The following PIBF1 variants were observed in gnomAD, a reference collection of about 807,000 sequenced individuals.
The protein encoded by PIBF1 is progesterone immunomodulatory binding factor 1, also known as progesterone-induced-blocking factor 1.
Under a neutral mutation model 112.5 loss-of-function variants are expected in PIBF1, and 90 were observed. That is an observed-to-expected ratio of 0.80 (90% confidence interval 0.67 to 0.95). The LOEUF is 0.95. Among genes scored for constraint, PIBF1 ranks in the 40% least tolerant of loss-of-function variants. PIBF1 has a pLI of 0.00. For missense variants in PIBF1, 915 were observed against 852.3 expected, an observed-to-expected ratio of 1.07 and a Z score of -0.92; for synonymous variants, 301 against 288.6, an observed-to-expected ratio of 1.04 and a Z score of -0.44.
intron 14 of PIBF1, among the ~76,000 whole-genome samples, chr13:72,936,452 G>T (rs982713430): frequency 6.6e-6 from 1 of 152,098 alleles, no homozygotes; most frequent in Admixed American, 6.6e-5. Context: ...GTCATAAGGG[G>T]TTTTGTCTAT....
chr13:73,000,997 G>T (rs1180002143), intron 17 of PIBF1, among the ~76,000 whole-genome samples: 1 of 151,794 alleles, frequency 6.6e-6, no homozygotes, highest in Non-Finnish European at 1.5e-5. Context: ...TTCAAAAGAG[G>T]TACAAGCTCA....
At chr13:72,920,021 CT>C (rs2041234950) in intron 13 of PIBF1, among the ~76,000 whole-genome samples, 1 of 152,128 alleles carries the variant, frequency 6.6e-6, no homozygotes, top group Non-Finnish European at 1.5e-5. Context: ...TAGAACTTTG[CT>C]TTTCTTAGCC....
At chr13:72,876,687 A>AT (rs1335841186) in intron 10 of PIBF1, among the ~76,000 whole-genome samples, 1 of 152,178 alleles carries the variant, frequency 6.6e-6, no homozygotes, top group Non-Finnish European at 1.5e-5. Flanking sequence ...GGGTGTTAAT[A>AT]TAAATGTTAC....
At chr13:72,809,594 T>G (rs1189228879) in intron 5 of PIBF1, among the ~76,000 whole-genome samples, 1 of 148,054 alleles carries the variant, frequency 6.8e-6, no homozygotes, top group Non-Finnish European at 1.5e-5. Flanking sequence ...TTTTGGTTTT[T>G]TTTTTTTTTT....
intron 8 of PIBF1, among the ~76,000 whole-genome samples, 170 bp from the exon 9 acceptor site, chr13:72,835,073 G>C (rs1411859496): frequency 6.6e-6 from 1 of 151,888 alleles, no homozygotes; most frequent in African/African-American, 2.4e-5. Flanking sequence ...ATACTAGTTA[G>C]GAACAGTATT....
intron 16 of PIBF1, among the ~76,000 whole-genome samples, chr13:72,986,416 T>G (rs1360247393): frequency 1.3e-5 from 2 of 152,084 alleles, no homozygotes; most frequent in African/African-American, 2.4e-5. Context: ...CACACTCCTG[T>G]TTTAAGTCAA....
intron 17 of PIBF1, among the ~76,000 whole-genome samples, chr13:73,015,064 G>T (rs2044344734): frequency 1.3e-5 from 2 of 152,190 alleles, no homozygotes; most frequent in African/African-American, 4.8e-5. Context: ...GGTATTACAG[G>T]CATGGGCCAC....
At chr13:73,009,183 G>A (rs1466059247) in intron 17 of PIBF1, among the ~76,000 whole-genome samples, 1 of 152,186 alleles carries the variant, frequency 6.6e-6, no homozygotes, top group Admixed American at 6.6e-5. Context: ...CCTTTCCAAA[G>A]GAGTTTTTCC....
intron 14 of PIBF1, among the ~76,000 whole-genome samples, chr13:72,943,791 TAGGGGAAA>T (rs1221813967): frequency 2.0e-5 from 3 of 152,222 alleles, no homozygotes; most frequent in African/African-American, 7.2e-5. Context: ...CTTGTTTGTT[TAGGGGAAA>T]AGGGGAAAAA....
intron 2 of PIBF1, among the ~76,000 whole-genome samples, chr13:72,791,921 A>C (rs533705103): frequency 3.3e-5 from 5 of 150,062 alleles, no homozygotes; most frequent in African/African-American, 4.9e-5. Flanking sequence ...GGCGTGAGCC[A>C]CCGCACCCAG....
At chr13:72,962,931 G>T (rs186388833) in intron 14 of PIBF1, among the ~76,000 whole-genome samples, 2 of 152,246 alleles carry the variant, frequency 1.3e-5, no homozygotes, top group Non-Finnish European at 2.9e-5. Context: ...AATAAGGATG[G>T]ACATAAAAAC....
chr13:72,827,615 T>C, intron 7 of PIBF1, 118 bp from the exon 8 acceptor site: 1 of 609,648 alleles, frequency 1.6e-6, no homozygotes, highest in Non-Finnish European at 2.6e-6. Flanking sequence ...ATTAGCCCTT[T>C]TTAAAAGGAA....
intron 14 of PIBF1, among the ~76,000 whole-genome samples, chr13:72,959,906 C>T (rs2042559417): frequency 6.6e-6 from 1 of 152,110 alleles, no homozygotes; most frequent in Non-Finnish European, 1.5e-5. Context: ...AAAAAGATTA[C>T]TAACAATAGG....
At chr13:72,790,875 C>T (rs182633232) in intron 2 of PIBF1, among the ~76,000 whole-genome samples, 4 of 152,220 alleles carry the variant, frequency 2.6e-5, no homozygotes, top group African/African-American at 9.6e-5. Context: ...TGAAGTTTTG[C>T]TCTGAAGACC....
In PIBF1 at chr13:72,893,915, A is replaced by G. The variant is rs1462779120; in HGVS notation, c.1454A>G (p.Gln485Arg). The G allele has an allele frequency of 3.7e-6, 6 of 1,605,962 alleles. No homozygotes were observed. Among genetic ancestry groups the G allele is most frequent in the Non-Finnish European group, 5.1e-6 (6 of 1,176,600 alleles). Residue 485 changes from glutamine to arginine, a missense_variant, in exon 11 of 18, where the codon CAA becomes CGA. Transcript: ENST00000326291. ...EETARNLTQC[Q>R]LECEKYQKKL... ...ACAGCAAGAAATCTCACACAGTGTC[A>G]ATTGGAATGTGAAAAATATCAGAAA...
intron 11 of PIBF1, among the ~76,000 whole-genome samples, chr13:72,904,525 C>T (rs1488226923): frequency 7.0e-6 from 1 of 142,582 alleles, no homozygotes; most frequent in African/African-American, 2.6e-5. Context: ...ACTACAACCT[C>T]CACCTCCCAG....
chr13:72,880,891 T>C (rs1039872140), intron 10 of PIBF1, among the ~76,000 whole-genome samples: 5 of 152,192 alleles, frequency 3.3e-5, no homozygotes, highest in Non-Finnish European at 5.9e-5. Context: ...TCAGCTTTGC[T>C]ACTTACTTGG....
At position 72,973,636 on chromosome 13, in the gene PIBF1, A is replaced by G; in HGVS notation, c.2010A>G (p.Gln670=). ...EKSALLQTKN[Q]MALDLEQLLN... ...CAGCTTTACTACAGACGAAGAATCA[A>G]ATGGCATTAGATTTAGAACAACTTC... is the stretch of plus-strand genomic sequence containing the variant. Residue 670 remains glutamine, a synonymous_variant, in exon 16 of 18, where the codon CAA becomes CAG. Transcript: ENST00000326291. The G allele has an allele frequency of 6.3e-7, 1 of 1,581,950 alleles. No individual in the cohort carries two copies. The highest frequency in any genetic ancestry group is 8.6e-7 in the Non-Finnish European group (1 of 1,163,920).
chr13:72,854,180 T>G lies in PIBF1; in HGVS notation c.1322+25T>G, dbSNP rs749224791. The G allele has an allele frequency of 6.6e-5, 89 of 1,347,396 alleles. 1 individual carries two copies. In the South Asian group the frequency reaches 1.0e-3, roughly 15 times the overall value. The allele number at this position is 1,347,396 out of a possible 1,614,324, so 83.5% of individuals were successfully genotyped here. ...GGTAAGCATCATAAAAATAGAAATG[T>G]TAAAACTCTTCCATTATTGTTTCTG... On this transcript the variant is annotated intron_variant, in intron 10 of 17. Coordinates refer to ENST00000326291, the MANE Select transcript of PIBF1 (RefSeq NM_006346.4).
Sources: allele counts gnomAD v4.1 joint callset (sites outside exome capture counted in the v4.1 genomes callset), GRCh38; gene constraint gnomAD v4.1.1; transcripts MANE v1.5; gene names NCBI Gene and HGNC (gene_info 2026-07-23, HGNC 2026-07-21).